Variants in ZNF521 observed in about 807,000 individuals in gnomAD.
The protein encoded by ZNF521 is LYST-interacting protein 3.
ZNF521 carries 14 observed loss-of-function variants against 105.5 expected under a neutral mutation model. The observed-to-expected ratio is 0.13, with a 90% CI of 0.09 to 0.21. The LOEUF (loss-of-function observed/expected upper bound fraction) is 0.21, where lower values mean the gene tolerates loss of function less well. ZNF521 is among the 10% of genes least tolerant of loss of function. ZNF521 has a pLI of 1.00. For synonymous variants in ZNF521, 635 were observed against 606.0 expected (o/e 1.05, Z -0.70); for missense variants, 1,233 against 1,629.7 (o/e 0.76, Z 4.19).
chr18:25,257,825 C>A (rs905943381), intron 3 of ZNF521, among the ~76,000 whole-genome samples: 3 of 152,144 alleles, frequency 2.0e-5, no homozygotes, highest in African/African-American at 4.8e-5. Flanking sequence ...GGAAGAGGTC[C>A]ATATCCCATT....
rs778678288 is a variant in ZNF521 at position 25,307,751 on chromosome 18, G to A, written c.220+14257C>T. ...AAGACACTGCAGCTCCCATATTGAT[G>A]TATCTGTCTCTCTCTGCTGTCTGTC... is the stretch of plus-strand genomic sequence containing the variant. On this transcript the variant is annotated intron_variant, in intron 3 of 7. Coordinates refer to ENST00000361524, the MANE Select transcript of ZNF521 (RefSeq NM_015461.3). 5.9e-5 allele frequency among the ~76,000 whole-genome samples: 9 copies of A among 152,166 alleles called. 1 individual carries two copies. The highest frequency in any genetic ancestry group is 1.2e-4 in the Non-Finnish European group (8 of 68,024).
chr18:25,232,200 A>G (rs988946808), intron 3 of ZNF521, among the ~76,000 whole-genome samples: 3 of 152,210 alleles, frequency 2.0e-5, no homozygotes, highest in Non-Finnish European at 4.4e-5. Context: ...TTCTAGCTTC[A>G]TAACTGACTT....
At chr18:25,214,579 TGAAATG>T in intron 4 of ZNF521, among the ~76,000 whole-genome samples, 1 of 152,224 alleles carries the variant, frequency 6.6e-6, no homozygotes, top group Non-Finnish European at 1.5e-5. Context: ...TCGAAACTTT[TGAAATG>T]TATTTATCCT....
intron 4 of ZNF521, among the ~76,000 whole-genome samples, chr18:25,212,565 A>ATATATATATATATGTG (rs1227568202): frequency 1.8e-5 from 2 of 112,870 alleles, no homozygotes; most frequent in African/African-American, 7.2e-5. Context: ...ATATATATAT[A>ATATATATATATATGTG]TGTATAGAAA....
At chr18:25,300,048 T>C (rs777911592) in intron 3 of ZNF521, among the ~76,000 whole-genome samples, 5 of 152,186 alleles carry the variant, frequency 3.3e-5, no homozygotes, top group Admixed American at 1.3e-4. Context: ...ATTTCTAAGC[T>C]TGGGCCTCAA....
intron 5 of ZNF521, among the ~76,000 whole-genome samples, chr18:25,164,831 G>A (rs972418655): frequency 6.6e-6 from 1 of 152,158 alleles, no homozygotes; most frequent in African/African-American, 2.4e-5. Context: ...ACTCTTATTT[G>A]TTTTTGTGTA....
chr18:25,293,269 C>T (rs979862492), intron 3 of ZNF521, among the ~76,000 whole-genome samples: 1 of 152,090 alleles, frequency 6.6e-6, no homozygotes, highest in African/African-American at 2.4e-5. Flanking sequence ...TTAGCAAACA[C>T]TCCTCTACCT....
In ZNF521 at chr18:25,351,991, T is replaced by C; in HGVS notation, c.-2+14A>G. 2.3e-6 allele frequency: 1 copy of C among 442,568 alleles called. No homozygotes were observed. The highest frequency in any genetic ancestry group is 1.6e-5 in the South Asian group (1 of 61,372). The allele number at this position is 442,568 out of a possible 1,614,324, so 27.4% of individuals were successfully genotyped here. Reference sequence around the variant, plus strand: ...GAGAAGGAGTGTGCTGTGTGCTCCCTCCTCATCACAAACCTGCAAGGTCTT... The same window carrying C: ...GAGAAGGAGTGTGCTGTGTGCTCCCCCCTCATCACAAACCTGCAAGGTCTT... On this transcript the variant is annotated intron_variant, in intron 1 of 7. Transcript: ENST00000361524.
At chr18:25,343,578 G>C (rs1914328050) in intron 2 of ZNF521, among the ~76,000 whole-genome samples, 1 of 152,124 alleles carries the variant, frequency 6.6e-6, no homozygotes, top group Non-Finnish European at 1.5e-5. Flanking sequence ...CAAATATTCT[G>C]AATGTCAATC....
chr18:25,127,774 A>C (rs2034564634), intron 5 of ZNF521, among the ~76,000 whole-genome samples: 1 of 152,050 alleles, frequency 6.6e-6, no homozygotes, highest in South Asian at 2.1e-4. Context: ...TACATGTATT[A>C]AAGAAAAATA....
At chr18:25,186,280 T>C (rs1342627695) in intron 5 of ZNF521, among the ~76,000 whole-genome samples, 2 of 152,192 alleles carry the variant, frequency 1.3e-5, no homozygotes, top group Non-Finnish European at 2.9e-5. Flanking sequence ...ACATAATAAC[T>C]ACGAAGGTGC....
At chr18:25,236,115 C>G (rs1568027638) in intron 3 of ZNF521, among the ~76,000 whole-genome samples, 1 of 152,214 alleles carries the variant, frequency 6.6e-6, no homozygotes, top group Non-Finnish European at 1.5e-5. Flanking sequence ...GAAAAAGCCA[C>G]TGAGATCGCT....
chr18:25,097,597 A>G (rs2033880459), intron 5 of ZNF521, among the ~76,000 whole-genome samples: 1 of 152,140 alleles, frequency 6.6e-6, no homozygotes, highest in Non-Finnish European at 1.5e-5. Context: ...GAGGAACAGA[A>G]GACACAGGCA....
At chr18:25,330,950 T>A (rs926760561) in intron 2 of ZNF521, among the ~76,000 whole-genome samples, 4 of 152,138 alleles carry the variant, frequency 2.6e-5, no homozygotes, top group Admixed American at 2.6e-4. Context: ...AAGAAAAAAG[T>A]ACCCTGCTGA....
chr18:25,081,290 G>C (rs1252822330), intron 7 of ZNF521, among the ~76,000 whole-genome samples: 1 of 152,200 alleles, frequency 6.6e-6, no homozygotes, highest in Admixed American at 6.5e-5. Context: ...GCTAACAACA[G>C]GGCTGTTGGA....
rs1342642660 is a variant in ZNF521 at position 25,322,217 on chromosome 18, G to A, written c.41-30C>T. ...AAAATATCAACACTGTAAGTATGGG[G>A]TTTAAAGACAGGTTCTTTTAAAGTA... is the stretch of plus-strand genomic sequence containing the variant. On this transcript the variant is annotated intron_variant, in intron 2 of 7. Transcript: ENST00000361524. 2.5e-6 allele frequency: 4 copies of A among 1,604,504 alleles called. No individual in the cohort carries two copies. The South Asian group carries it at 4.4e-5, about 18-fold the overall frequency.
At chr18:25,316,847 CTTT>C (rs200212987) in intron 3 of ZNF521, among the ~76,000 whole-genome samples, 9,801 of 125,534 alleles carry the variant, frequency 0.078, 189 homozygotes, top group South Asian at 0.16. Context: ...GCAAGTAAGA[CTTT>C]TTTTTTTTTT....
At chr18:25,258,803 G>A (rs1488425327) in intron 3 of ZNF521, among the ~76,000 whole-genome samples, 2 of 139,792 alleles carry the variant, frequency 1.4e-5, no homozygotes, top group Non-Finnish European at 3.2e-5. Context: ...CCACTTATAT[G>A]GGTTTCCTAT....
intron 3 of ZNF521, among the ~76,000 whole-genome samples, chr18:25,304,487 T>C (rs1911857245): frequency 6.6e-6 from 1 of 152,214 alleles, no homozygotes; most frequent in Admixed American, 6.5e-5. Flanking sequence ...ACAGCACTTT[T>C]TACACACACA....
Sources: gnomAD v4.1 joint callset for allele counts (sites outside exome capture counted in the v4.1 genomes callset) on GRCh38, gnomAD v4.1.1 for gene constraint, MANE v1.5 for transcripts, NCBI Gene and HGNC (gene_info 2026-07-23, HGNC 2026-07-21) for gene names.